PAK1: variants seen among roughly 807,000 people sequenced by gnomAD.
PAK1 encodes the protein p21 (RAC1) activated kinase 1, also known as serine/threonine-protein kinase PAK 1.
In PAK1, 29 loss-of-function variants were observed where a neutral mutation model predicts 67.4. That is an observed-to-expected ratio of 0.43 (90% CI 0.32 to 0.59). The LOEUF (loss-of-function observed/expected upper bound fraction) is 0.59, where lower values mean the gene tolerates loss of function less well. Ranked by LOEUF, PAK1 falls within the 20% of genes least tolerant of loss-of-function variation. PAK1 has a pLI of 0.07. For synonymous variants in PAK1, 223 were observed against 237.4 expected (o/e 0.94, Z 0.56); for missense variants, 337 against 670.7 (o/e 0.50, Z 5.50).
chr11:77,472,432 G>A (rs1430481958), intron 1 of PAK1, among the ~76,000 whole-genome samples: 1 of 152,230 alleles, frequency 6.6e-6, no homozygotes, highest in African/African-American at 2.4e-5. Flanking sequence ...TGTAAGAGGA[G>A]AGACAGGATG....
Position 77,345,808 on chromosome 11 carries a change from C to T in PAK1, c.886-1877G>A, listed in dbSNP as rs569500442. On this transcript the variant is annotated intron_variant, in intron 9 of 14. Transcript: ENST00000356341. The stretch of plus-strand genomic sequence containing the variant: ...TATTAAGTATAGTTAGCCCTTATAA[C>T]GCACATTAAGGACTGGAGCCAGAAG... 1.5e-4 allele frequency among the ~76,000 whole-genome samples: 23 copies of T among 152,286 alleles called. 1 individual carries two copies. Among genetic ancestry groups the T allele is most frequent in the East Asian group, 9.6e-4 (5 of 5,188 alleles).
At chr11:77,435,308 AGTT>A (rs1211494892) in intron 1 of PAK1, among the ~76,000 whole-genome samples, 1 of 152,152 alleles carries the variant, frequency 6.6e-6, no homozygotes, top group Non-Finnish European at 1.5e-5. Flanking sequence ...GGGTCAGTCA[AGTT>A]GAGGTCAAAT....
chr11:77,383,827 G>A (rs562408877), intron 2 of PAK1, among the ~76,000 whole-genome samples: 3 of 152,286 alleles, frequency 2.0e-5, no homozygotes, highest in Admixed American at 6.5e-5. Context: ...GCCAGTCACT[G>A]TCTCACTGGC....
chr11:77,493,445 ATTTTTTTTTTT>A, the PAK1 span, among the ~76,000 whole-genome samples: 9 of 70,948 alleles, frequency 1.3e-4, no homozygotes, highest in South Asian at 7.8e-4. Flanking sequence ...TGCCCAGCTA[ATTTTTTTTTTT>A]TTTTTTTTTT....
At chr11:77,384,913 TA>T (rs997595394) in intron 2 of PAK1, among the ~76,000 whole-genome samples, 93 of 151,820 alleles carry the variant, frequency 6.1e-4, no homozygotes, top group African/African-American at 1.6e-3. Context: ...CTCAATTTTT[TA>T]AAAAAAAGTG....
chr11:77,436,831 T>C (rs1200872550), intron 1 of PAK1, among the ~76,000 whole-genome samples: 5 of 152,230 alleles, frequency 3.3e-5, no homozygotes, highest in African/African-American at 9.6e-5. Context: ...ATTTCTTTGC[T>C]GTACAGTATG....
At chr11:77,480,729 G>A in the PAK1 span, among the ~76,000 whole-genome samples, 1 of 151,874 alleles carries the variant, frequency 6.6e-6, no homozygotes, top group Admixed American at 6.6e-5. Flanking sequence ...TCACCATGTT[G>A]GCCAGACAGG....
At chr11:77,429,094 A>AAC (rs1565696623) in intron 1 of PAK1, among the ~76,000 whole-genome samples, 2 of 102,584 alleles carry the variant, frequency 1.9e-5, no homozygotes, top group African/African-American at 1.0e-4. Context: ...AAAAAAAAAA[A>AAC]CACACACACA....
upstream of PAK1, among the ~76,000 whole-genome samples, chr11:77,478,449 T>G (rs1371640389): frequency 6.6e-6 from 1 of 152,158 alleles, no homozygotes; most frequent in South Asian, 2.1e-4. Flanking sequence ...CAAAGAGCTC[T>G]GATTCTTTTC....
intron 6 of PAK1, among the ~76,000 whole-genome samples, chr11:77,357,762 T>G (rs1422076561): frequency 6.6e-6 from 1 of 152,182 alleles, no homozygotes; most frequent in Non-Finnish European, 1.5e-5. Flanking sequence ...TGAAGATCAA[T>G]TAATTAATTA....
intron 12 of PAK1, among the ~76,000 whole-genome samples, chr11:77,336,619 A>G (rs1942732958): frequency 6.6e-6 from 1 of 152,160 alleles, no homozygotes; most frequent in African/African-American, 2.4e-5. Flanking sequence ...CCATTCCCAT[A>G]ATCCCAAATC....
At chr11:77,453,104 C>T (rs928005263) in intron 1 of PAK1, among the ~76,000 whole-genome samples, 1 of 152,024 alleles carries the variant, frequency 6.6e-6, no homozygotes, top group African/African-American at 2.4e-5. Context: ...CCTGTAATCC[C>T]AGCACTTCAG....
At chr11:77,386,732 G>C (rs2137273310) in intron 2 of PAK1, among the ~76,000 whole-genome samples, 1 of 152,074 alleles carries the variant, frequency 6.6e-6, no homozygotes, top group South Asian at 2.1e-4. Flanking sequence ...TAGAAATTCT[G>C]ACTCCAAAGG....
At position 77,379,866 on chromosome 11, in the gene PAK1, A is replaced by G. The variant is rs758290224; in HGVS notation, c.291+28T>C. The G allele has an allele frequency of 2.4e-5, 35 of 1,470,560 alleles. No individual in the cohort carries two copies. The South Asian group carries it at 4.1e-4, about 17-fold the overall frequency. The allele number at this position is 1,470,560 out of a possible 1,614,324, so 91.1% of individuals were successfully genotyped here. On this transcript the variant is annotated intron_variant, in intron 3 of 14. Coordinates refer to ENST00000356341, the MANE Select transcript of PAK1 (RefSeq NM_002576.5). ...TGCACAGCCAGAACTCTAAAAGACT[A>G]AAGACCTTTCTGTGACCCAGGACTT... is the stretch of plus-strand genomic sequence containing the variant.
At chr11:77,448,397 T>C (rs534013678) in intron 1 of PAK1, among the ~76,000 whole-genome samples, 3 of 152,316 alleles carry the variant, frequency 2.0e-5, no homozygotes, top group Admixed American at 6.5e-5. Flanking sequence ...AGGTAGAATA[T>C]ACAAATTACA....
At chr11:77,325,397 C>A (rs370612421) in intron 14 of PAK1, 241 of 1,611,380 alleles carry the variant, frequency 1.5e-4, no homozygotes, top group Non-Finnish European at 1.9e-4. Flanking sequence ...GAGAATAGAA[C>A]CTATGACTCA....
intron 1 of PAK1, among the ~76,000 whole-genome samples, chr11:77,444,323 A>G (rs1956498344): frequency 6.7e-6 from 1 of 149,518 alleles, no homozygotes; most frequent in African/African-American, 2.5e-5. Flanking sequence ...CCTGGGTCCC[A>G]TACCAACCAC....
At chr11:77,443,014 T>C (rs1956425198) in intron 1 of PAK1, among the ~76,000 whole-genome samples, 1 of 152,172 alleles carries the variant, frequency 6.6e-6, no homozygotes, top group Non-Finnish European at 1.5e-5. Context: ...TCTAAAAGTA[T>C]CTAAAACAGT....
the PAK1 span, among the ~76,000 whole-genome samples, chr11:77,480,093 G>C: frequency 6.6e-6 from 1 of 152,080 alleles, no homozygotes; most frequent in Non-Finnish European, 1.5e-5. Flanking sequence ...CCATATGTAT[G>C]CTTTCTTTTG....
Sources: allele counts gnomAD v4.1 joint callset (sites outside exome capture counted in the v4.1 genomes callset), GRCh38; gene constraint gnomAD v4.1.1; transcripts MANE v1.5; gene names NCBI Gene and HGNC (gene_info 2026-07-23, HGNC 2026-07-21).